The following DAG1 variants were observed in gnomAD, a reference collection of about 807,000 sequenced individuals.
DAG1 encodes the protein dystroglycan 1 (dystrophin-associated glycoprotein 1).
Under a neutral mutation model 46.1 loss-of-function variants are expected in DAG1, and 8 were observed. That is an observed-to-expected ratio of 0.17 (90% CI 0.10 to 0.31). DAG1 has a LOEUF of 0.31. DAG1 is among the 10% of genes least tolerant of loss of function. The pLI is 1.00. For synonymous variants in DAG1, 495 were observed against 481.8 expected (o/e 1.03, Z -0.36); for missense variants, 1,003 against 1,189.9 (o/e 0.84, Z 2.31).
Position 49,533,443 on chromosome 3 carries a change from A to G in DAG1, c.*244A>G, listed in dbSNP as rs745438569. On this transcript the variant is annotated 3_prime_UTR_variant, in exon 3 of 3. Coordinates refer to ENST00000308775, the MANE Select transcript of DAG1 (RefSeq NM_004393.6). The stretch of plus-strand genomic sequence containing the variant: ...GCCTAACAGCTTTTGGTTTGTTCAT[A>G]GAGAATTCTTCGCTTCATTTTTGAT... 18 of 695,172 alleles carry G rather than the reference A, an allele frequency of 2.6e-5. No individual in the cohort carries two copies. The highest frequency in any genetic ancestry group is 1.8e-4 in the South Asian group (12 of 66,824). The allele number at this position is 695,172 out of a possible 1,614,324, so 43.1% of individuals were successfully genotyped here.
At chr3:49,488,398 C>G (rs1016138028) in intron 1 of DAG1, among the ~76,000 whole-genome samples, 1 of 152,172 alleles carries the variant, frequency 6.6e-6, no homozygotes, top group Non-Finnish European at 1.5e-5. Context: ...TATCCTTTGA[C>G]CCAGCAATTC....
intron 1 of DAG1, among the ~76,000 whole-genome samples, chr3:49,505,453 A>G (rs775932803): frequency 1.3e-5 from 2 of 152,110 alleles, no homozygotes; most frequent in Non-Finnish European, 1.5e-5. Flanking sequence ...AGTTTAAATG[A>G]TACTGTATTT....
rs769229834 is a variant in DAG1, at chr3:49,531,721, A to G, written c.1210A>G (p.Thr404Ala). 40 of 1,613,938 alleles carry G rather than the reference A, an allele frequency of 2.5e-5. No homozygotes were observed. The Admixed American group carries it at 3.2e-4, about 13-fold the overall frequency. ...CACAGTTCCTGGCCAGATTCGCCCAACGATGACCATTCCTGGCTATGTGGA... is the reference window on the plus strand; with the variant it reads ...CACAGTTCCTGGCCAGATTCGCCCAGCGATGACCATTCCTGGCTATGTGGA... ...GTTVPGQIRP[T>A]MTIPGYVEPT... Residue 404 changes from threonine to alanine, a missense_variant, in exon 3 of 3, where the codon ACG becomes GCG. By Grantham distance (58) the Thr-to-Ala change is moderately conservative. Coordinates refer to ENST00000308775, the MANE Select transcript of DAG1 (RefSeq NM_004393.6). The surrounding 1 kb of genome is among the most constrained non-coding windows in gnomAD (Gnocchi z 7.0).
At chr3:49,508,199 T>G (rs963845175) in intron 1 of DAG1, among the ~76,000 whole-genome samples, 5 of 148,908 alleles carry the variant, frequency 3.4e-5, no homozygotes, top group African/African-American at 9.8e-5. Context: ...TTTTGCTTTT[T>G]TTTTTTTTTT....
chr3:49,494,166 T>C (rs2050253793), intron 1 of DAG1, among the ~76,000 whole-genome samples: 2 of 152,304 alleles, frequency 1.3e-5, no homozygotes, highest in South Asian at 2.1e-4. Context: ...TGAAATATTT[T>C]TGATGGTTGA....
Position 49,510,509 on chromosome 3 carries a change from T to C in DAG1, c.-26T>C. On this transcript the variant is annotated 5_prime_UTR_variant, in exon 2 of 3. Transcript: ENST00000308775. ...CTTGCTTCCTTACTTAGCAAGACTA[T>C]CGACTTGAGCAAACTTGGACCTGGG... is the stretch of plus-strand genomic sequence containing the variant. 6.2e-7 allele frequency: 1 copy of C among 1,610,774 alleles called. No homozygotes were observed. Among genetic ancestry groups the C allele is most frequent in the South Asian group, 1.1e-5 (1 of 91,018 alleles).
At chr3:49,478,535 T>TG (rs1260568111) in intron 1 of DAG1, among the ~76,000 whole-genome samples, 4 of 127,488 alleles carry the variant, frequency 3.1e-5, no homozygotes, top group East Asian at 4.0e-4. Context: ...GAGTTTTTTT[T>TG]TTTTTTTTTT....
At chr3:49,508,898 A>C (rs1437874048) in intron 1 of DAG1, among the ~76,000 whole-genome samples, 4 of 152,184 alleles carry the variant, frequency 2.6e-5, no homozygotes, top group African/African-American at 9.7e-5. Flanking sequence ...CTATATATAC[A>C]TGTATACATT....
At chr3:49,511,236 G>A (rs528039656) in intron 2 of DAG1, among the ~76,000 whole-genome samples, 1 of 152,302 alleles carries the variant, frequency 6.6e-6, no homozygotes, top group South Asian at 2.1e-4. Flanking sequence ...ATTTGCTGAT[G>A]TATGTTGGCT....
chr3:49,522,330 C>CT (rs1243106861), intron 2 of DAG1, among the ~76,000 whole-genome samples: 11 of 151,508 alleles, frequency 7.3e-5, no homozygotes, highest in Admixed American at 5.3e-4. Context: ...CTGCGCCTGG[C>CT]TTTTTTTTGT....
At chr3:49,480,445 T>C (rs895569162) in intron 1 of DAG1, among the ~76,000 whole-genome samples, 1 of 150,910 alleles carries the variant, frequency 6.6e-6, no homozygotes, top group South Asian at 2.1e-4. Flanking sequence ...CCGGCTAATT[T>C]TTTGTATTTT....
chr3:49,481,424 G>C (rs1369109057), intron 1 of DAG1, among the ~76,000 whole-genome samples: 1 of 148,692 alleles, frequency 6.7e-6, no homozygotes, highest in African/African-American at 2.5e-5. Context: ...AAAGTGAATT[G>C]TGATTTACAG....
At chr3:49,479,167 A>G (rs2049788922) in intron 1 of DAG1, among the ~76,000 whole-genome samples, 1 of 152,070 alleles carries the variant, frequency 6.6e-6, no homozygotes, top group Non-Finnish European at 1.5e-5. Context: ...CAAAAGGGTT[A>G]TACAAAGGAG....
At chr3:49,491,881 A>C (rs567778177) in intron 1 of DAG1, among the ~76,000 whole-genome samples, 2 of 150,972 alleles carry the variant, frequency 1.3e-5, no homozygotes, top group South Asian at 4.2e-4. Flanking sequence ...GGCCTCCCAG[A>C]GTACTGGGAT....
intron 1 of DAG1, among the ~76,000 whole-genome samples, chr3:49,490,301 C>T (rs1417113846): frequency 3.3e-5 from 5 of 151,056 alleles, no homozygotes; most frequent in African/African-American, 4.9e-5. Flanking sequence ...TGCAGTGAGC[C>T]GAGATCGCGC....
At chr3:49,489,071 A>C (rs2050112867) in intron 1 of DAG1, among the ~76,000 whole-genome samples, 1 of 151,268 alleles carries the variant, frequency 6.6e-6, no homozygotes, top group Non-Finnish European at 1.5e-5. Flanking sequence ...GTGGTGTTGG[A>C]ATTTATTTTA....
At chr3:49,490,499 A>G (rs2050153966) in intron 1 of DAG1, among the ~76,000 whole-genome samples, 1 of 150,962 alleles carries the variant, frequency 6.6e-6, no homozygotes, top group African/African-American at 2.4e-5. Flanking sequence ...TTTTCTATCT[A>G]TACCTTTTTT....
chr3:49,525,574 T>C (rs1375775149), intron 2 of DAG1, among the ~76,000 whole-genome samples: 1 of 151,336 alleles, frequency 6.6e-6, no homozygotes, highest in Non-Finnish European at 1.5e-5. Context: ...TTTTTTTTTT[T>C]TGAGACGGAA....
At chr3:49,484,798 T>TA (rs200552501) in intron 1 of DAG1, among the ~76,000 whole-genome samples, 1 of 137,268 alleles carries the variant, frequency 7.3e-6, no homozygotes, top group African/African-American at 2.8e-5. Flanking sequence ...CCATTGCTGC[T>TA]TTTTTTTTTT....
Sources: gnomAD v4.1 joint callset for allele counts (sites outside exome capture counted in the v4.1 genomes callset) on GRCh38, gnomAD v4.1.1 for gene constraint, Gnocchi (gnomAD v3.1) non-coding constraint, MANE v1.5 for transcripts, NCBI Gene and HGNC (gene_info 2026-07-23, HGNC 2026-07-21) for gene names.